Variants in SLTM observed in about 807,000 individuals in gnomAD.
The protein encoded by SLTM is SAFB like transcription modulator.
In SLTM, 43 loss-of-function variants were observed where a neutral mutation model predicts 134.6. The ratio of observed to expected loss-of-function variants is 0.32; its 90% CI spans 0.25 to 0.41. The LOEUF is 0.41. Among genes scored for constraint, SLTM ranks in the 10% least tolerant of loss-of-function variants. The pLI is 1.00. For missense variants in SLTM, 1,055 were observed against 1,288.8 expected, an observed-to-expected ratio of 0.82 and a Z score of 2.78; for synonymous variants, 424 against 432.3, an observed-to-expected ratio of 0.98 and a Z score of 0.24.
intron 7 of SLTM, 39 bp from the exon 8 acceptor site, chr15:58,898,891 A>C: frequency 2.1e-6 from 3 of 1,462,280 alleles, no homozygotes; most frequent in Non-Finnish European, 2.9e-6. Flanking sequence ...TGAAAACAAA[A>C]ACAAAAACAA....
intron 2 of SLTM, among the ~76,000 whole-genome samples, chr15:58,922,606 T>G (rs979622153): frequency 2.0e-5 from 3 of 146,412 alleles, no homozygotes; most frequent in Non-Finnish European, 4.5e-5. Flanking sequence ...TATATACGTA[T>G]AAAATATATT....
chr15:58,881,445 T>G (rs1428132290), intron 20 of SLTM, among the ~76,000 whole-genome samples: 1 of 151,688 alleles, frequency 6.6e-6, no homozygotes, highest in East Asian at 1.9e-4. Context: ...GAGAATCACG[T>G]GAACCCAGGA....
At chr15:58,881,748 T>C (rs1873193299) in intron 20 of SLTM, among the ~76,000 whole-genome samples, 1 of 152,072 alleles carries the variant, frequency 6.6e-6, no homozygotes, top group Admixed American at 6.6e-5. Flanking sequence ...AAATGAGGAA[T>C]AAGGGATAGC....
chr15:58,884,612 T>G (rs1348895869), intron 19 of SLTM, among the ~76,000 whole-genome samples: 1 of 151,984 alleles, frequency 6.6e-6, no homozygotes, highest in African/African-American at 2.4e-5. Flanking sequence ...CCACCACACC[T>G]GGCCAATTCC....
chr15:58,915,216 A>G lies in SLTM; in HGVS notation c.316-1520T>C, dbSNP rs537915163. 2.6e-5 allele frequency among the ~76,000 whole-genome samples: 4 copies of G among 151,512 alleles called. No individual in the cohort carries two copies. The South Asian group carries it at 6.3e-4, about 24-fold the overall frequency. ...AAAAAACAAAAACAAAAACAAAAAC[A>G]AAAACAAAAACAAAAAAAAAGTTCC... On this transcript the variant is annotated intron_variant, in intron 3 of 20. Transcript: ENST00000380516.
chr15:58,909,280 G>T (rs928707666), intron 5 of SLTM, among the ~76,000 whole-genome samples: 9 of 152,130 alleles, frequency 5.9e-5, no homozygotes, highest in Non-Finnish European at 1.2e-4. Context: ...GATAATAACT[G>T]CGATGGACCA....
In SLTM at chr15:58,913,603, C is replaced by A. The variant is rs184128249; in HGVS notation, c.409G>T (p.Val137Leu). 1 of 1,613,582 alleles carries A rather than the reference C, an allele frequency of 6.2e-7. No individual in the cohort carries two copies. The highest frequency in any genetic ancestry group is 2.2e-5 in the East Asian group (1 of 44,796). ...GCAGAGAGTAACTCCTTGGAATGCA[C>A]ATTTTCTTCTTCATTTTCACCAAAT... ...EEFGENEEEN[V>L]HSKELLSAEE... The change falls in exon 4 of 21, where the codon GTG (valine) becomes TTG (leucine). Residue 137 changes from valine to leucine, a missense_variant. Coordinates refer to ENST00000380516, the MANE Select transcript of SLTM (RefSeq NM_024755.4).
intron 2 of SLTM, among the ~76,000 whole-genome samples, chr15:58,921,185 C>T (rs560923960): frequency 6.6e-6 from 1 of 152,128 alleles, no homozygotes; most frequent in Non-Finnish European, 1.5e-5. Context: ...CATTTATGTA[C>T]TTGTATTTTA....
At chr15:58,922,532 A>G (rs1284197048) in intron 2 of SLTM, among the ~76,000 whole-genome samples, 1 of 96,914 alleles carries the variant, frequency 1.0e-5, no homozygotes, top group East Asian at 2.7e-4. Context: ...TTATACGTAT[A>G]TAATATATTT....
chr15:58,894,705 G>GTT (rs3052966), intron 9 of SLTM, 123 bp from the exon 10 acceptor site: 52,700 of 511,574 alleles, frequency 0.1, 241 homozygotes, highest in Middle Eastern at 0.13. Context: ...TCTGTCTCAT[G>GTT]TTTTTTTTTT....
chr15:58,883,724 T>C lies in SLTM; in HGVS notation c.2898A>G (p.Lys966=), dbSNP rs1303587330. 1.9e-6 allele frequency: 3 copies of C among 1,614,176 alleles called. No individual in the cohort carries two copies. The highest frequency in any genetic ancestry group is 1.1e-5 in the South Asian group (1 of 91,084). ...CTTGAGAGGGTGGACCATGCCACTC[T>C]TTCCTTGGTCCGCTTGTGTCCCGTC... ...RHGRDTSGPR[K]EWHGPPSQGP... Residue 966 remains lysine (K), a synonymous_variant, in exon 20 of 21, where the codon AAA becomes AAG. Transcript: ENST00000380516.
At position 58,899,040 on chromosome 15, in the gene SLTM, C is replaced by T; in HGVS notation, c.1059-188G>A. On this transcript the variant is annotated intron_variant, in intron 7 of 20. Coordinates refer to ENST00000380516, the MANE Select transcript of SLTM (RefSeq NM_024755.4). The surrounding 1 kb of genome is among the most constrained non-coding windows in gnomAD (Gnocchi z 5.0). ...TCTTGCACTGATTTTCCCCAAGATG[C>T]CTGAAGATCTAGATTTTCTGACAAT... 1 of 515,060 alleles carries T rather than the reference C, an allele frequency of 1.9e-6. No individual in the cohort carries two copies. Among genetic ancestry groups the T allele is most frequent in the Non-Finnish European group, 3.4e-6 (1 of 293,148 alleles). The allele number at this position is 515,060 out of a possible 1,614,324, so 31.9% of individuals were successfully genotyped here.
chr15:58,902,851 G>T (rs2035584882), intron 5 of SLTM, among the ~76,000 whole-genome samples: 1 of 151,618 alleles, frequency 6.6e-6, no homozygotes. Flanking sequence ...AGCCTCCCAA[G>T]GAGCTAGGAT....
At chr15:58,915,968 T>C (rs2036611636) in intron 3 of SLTM, among the ~76,000 whole-genome samples, 1 of 149,504 alleles carries the variant, frequency 6.7e-6, no homozygotes, top group Non-Finnish European at 1.5e-5. Context: ...TTCATTAAAA[T>C]AAAAAAAAAA....
chr15:58,894,922 CT>C, intron 9 of SLTM, among the ~76,000 whole-genome samples: 1 of 152,096 alleles, frequency 6.6e-6, no homozygotes, highest in Non-Finnish European at 1.5e-5. Context: ...CCAGGCTGGT[CT>C]CAAAGGCCTG....
At chr15:58,923,997 T>C (rs182810872) in intron 2 of SLTM, among the ~76,000 whole-genome samples, 2 of 151,944 alleles carry the variant, frequency 1.3e-5, no homozygotes, top group African/African-American at 2.4e-5. Context: ...GTATTTTTAA[T>C]AGAGACAGGG....
rs1286725336 is a variant in SLTM at position 58,894,554 on chromosome 15, G to A, written c.1256C>T (p.Ala419Val). Residue 419 changes from alanine (A) to valine (V), a missense_variant, in exon 10 of 21, where the codon GCT (alanine) becomes GTT (valine). This residue lies in a region of SLTM where 776 missense variants were observed against 962.2 expected (regional missense o/e 0.81). Coordinates refer to ENST00000380516, the MANE Select transcript of SLTM (RefSeq NM_024755.4). ...ATAGCATTTTGCCCCAGGACTTCGAGCATTTGTAACTACTTTTGCACTCAG... is the reference window on the plus strand; with the variant it reads ...ATAGCATTTTGCCCCAGGACTTCGAACATTTGTAACTACTTTTGCACTCAG... ...KVLSAKVVTN[A>V]RSPGAKCYGI... The A allele has an allele frequency of 1.2e-6, 2 of 1,613,968 alleles. No homozygotes were observed. The highest frequency in any genetic ancestry group is 1.1e-5 in the South Asian group (1 of 91,090).
intron 17 of SLTM, 103 bp downstream of exon 17, chr15:58,888,282 G>C: frequency 1.1e-6 from 1 of 943,466 alleles, no homozygotes; most frequent in Non-Finnish European, 1.6e-6. Context: ...ATTGTTCTGA[G>C]CATTCAGTTC....
At chr15:58,903,727 GAA>G (rs759025827) in intron 5 of SLTM, among the ~76,000 whole-genome samples, 103 of 145,446 alleles carry the variant, frequency 7.1e-4, no homozygotes, top group Non-Finnish European at 1.3e-3. Context: ...AAAAAAAAAA[GAA>G]TGTGCATCTC....
Sources: allele counts gnomAD v4.1 joint callset (sites outside exome capture counted in the v4.1 genomes callset), GRCh38; gene constraint gnomAD v4.1.1; regional missense constraint gnomAD v4.1.1; non-coding constraint Gnocchi (gnomAD v3.1); transcripts MANE v1.5; gene names NCBI Gene and HGNC (gene_info 2026-07-23, HGNC 2026-07-21).